The following ZNF347 variants were observed in gnomAD, a reference collection of about 807,000 sequenced individuals.
ZNF347 encodes CTD-2620I22.7.
ZNF347 carries 19 observed loss-of-function variants against 12.9 expected under a neutral mutation model. The observed-to-expected ratio is 1.47, with a 90% CI of 1.03 to 2.16. ZNF347 has a LOEUF of 2.16. ZNF347 is among the 30% of genes most tolerant of loss of function. ZNF347 has a pLI of 0.00. For synonymous variants in ZNF347, 328 were observed against 340.6 expected (o/e 0.96, Z 0.41); for missense variants, 1,005 against 990.6 (o/e 1.01, Z -0.19).
At position 53,135,752 on chromosome 19, in the gene ZNF347, T is replaced by C. The variant is rs1437459966; in HGVS notation, c.*4556A>G. 6.6e-6 allele frequency: 1 copy of C among 152,218 alleles called. No individual in the cohort carries two copies. The highest frequency in any genetic ancestry group is 2.4e-5 in the African/African-American group (1 of 41,446). The allele number at this position is 152,218 out of a possible 1,614,324, so 9.4% of individuals were successfully genotyped here. On this transcript the variant is annotated 3_prime_UTR_variant, in exon 5 of 5. Transcript: ENST00000334197. ...TATCATTAATACTTATTTCAGGAGC[T>C]GATGATTCAGTTGTTACACATAAAG... is the stretch of plus-strand genomic sequence containing the variant.
In ZNF347 at chr19:53,141,173, A is replaced by C. The variant is rs780904152; in HGVS notation, c.1655T>G (p.Val552Gly). The change falls in exon 5 of 5, where the codon GTG (valine) becomes GGG (glycine). Residue 552 changes from valine to glycine, a missense_variant. Coordinates refer to ENST00000334197, the MANE Select transcript of ZNF347 (RefSeq NM_032584.3). ...MCNECGKAFS[V>G]YSSLTTHQVI... ...CTGATGGGTAGTTAGGCTTGAATAC[A>C]CACTGAAGGCTTTGCCGCACTCATT... 6.2e-7 allele frequency: 1 copy of C among 1,607,098 alleles called. No homozygotes were observed. The highest frequency in any genetic ancestry group is 1.7e-5 in the Admixed American group (1 of 59,636).
Position 53,140,255 on chromosome 19 carries a change from G to T in ZNF347, c.*53C>A. The T allele has an allele frequency of 6.8e-7, 1 of 1,465,074 alleles. No homozygotes were observed. The highest frequency in any genetic ancestry group is 9.2e-7 in the Non-Finnish European group (1 of 1,088,130). The allele number at this position is 1,465,074 out of a possible 1,614,324, so 90.8% of individuals were successfully genotyped here. ...CATAAATTCTCTGACGTTGTCAAAG[G>T]AATGAATTCTAACTGCAAAAGTTAC... is the stretch of plus-strand genomic sequence containing the variant. On this transcript the variant is annotated 3_prime_UTR_variant, in exon 5 of 5. Transcript: ENST00000334197.
rs547491032 is a variant in ZNF347, at chr19:53,142,374, A to G, written c.454T>C (p.Tyr152His). The G allele has an allele frequency of 1.2e-6, 2 of 1,614,058 alleles. No individual in the cohort carries two copies. The highest frequency in any genetic ancestry group is 2.2e-5 in the South Asian group (2 of 91,086). The change falls in exon 5 of 5, where the codon TAC becomes CAC. Residue 152 changes from tyrosine (Y) to histidine (H), a missense_variant. Transcript: ENST00000334197. Reference sequence around the variant, plus strand: ...TCTTGGGTCAAAAGCACTCCTTTGTAATTTCCTTCAGCATCTCTGCATTGA... The same window carrying G: ...TCTTGGGTCAAAAGCACTCCTTTGTGATTTCCTTCAGCATCTCTGCATTGA... ...EYQCRDAEGN[Y>H]KGVLLTQEGN...
Position 53,153,719 on chromosome 19 carries a change from T to C in ZNF347, c.15+14A>G. ...AATAAGAGACAGAACAATCCACTGA[T>C]AATATTACCTTACCTGGGTGAGAGC... On this transcript the variant is annotated intron_variant, in intron 2 of 4. Transcript: ENST00000334197. 1.9e-6 allele frequency: 3 copies of C among 1,613,378 alleles called. No homozygotes were observed. The highest frequency in any genetic ancestry group is 1.7e-6 in the Non-Finnish European group (2 of 1,179,266).
chr19:53,158,451 C>A (rs2090549973), intron 1 of ZNF347, among the ~76,000 whole-genome samples: 1 of 148,490 alleles, frequency 6.7e-6, no homozygotes, highest in African/African-American at 2.5e-5. Flanking sequence ...AAGCCCGGGG[C>A]GGGAGGAGGG....
chr19:53,149,154 C>A, intron 3 of ZNF347, 87 bp downstream of exon 3: 1 of 1,575,630 alleles, frequency 6.3e-7, no homozygotes, highest in Non-Finnish European at 8.6e-7. Context: ...CTCAGCCAAG[C>A]AATGCATGAG....
chr19:53,135,369 A>AGGG lies in ZNF347; in HGVS notation c.*4938_*4939insCCC, dbSNP rs2090382771. 2.3e-5 allele frequency: 2 copies of AGGG among 87,940 alleles called. No homozygotes were observed. The highest frequency in any genetic ancestry group is 4.4e-5 in the Non-Finnish European group (2 of 45,402). The allele number at this position is 87,940 out of a possible 1,614,324, so 5.4% of individuals were successfully genotyped here. ...AGAGAGAGAGAGAGAGAGAGAGAGA[A>AGGG]AGAGAGAGAGAGAGAGAGAGAGAGA... On this transcript the variant is annotated 3_prime_UTR_variant, in exon 5 of 5. Coordinates refer to ENST00000334197, the MANE Select transcript of ZNF347 (RefSeq NM_032584.3).
intron 4 of ZNF347, among the ~76,000 whole-genome samples, chr19:53,144,183 C>T (rs1483417403): frequency 6.6e-6 from 1 of 152,064 alleles, no homozygotes; most frequent in Non-Finnish European, 1.5e-5. Context: ...AAGAGAGAGG[C>T]CTGCTGAATG....
intron 2 of ZNF347, 183 bp from the exon 3 acceptor site, chr19:53,149,550 G>C (rs887279696): frequency 1.6e-6 from 2 of 1,227,206 alleles, no homozygotes; most frequent in African/African-American, 3.1e-5. Context: ...AATCTCTGGA[G>C]TGATAAGTGC....
chr19:53,155,230 G>A (rs922590934), intron 1 of ZNF347, among the ~76,000 whole-genome samples: 6 of 151,866 alleles, frequency 4.0e-5, no homozygotes, highest in Admixed American at 3.9e-4. Flanking sequence ...CAGCCACCGT[G>A]CCTGGCCAAT....
Position 53,140,169 on chromosome 19 carries a change from GGAT to G in ZNF347, c.*136_*138del. 1 of 851,068 alleles carries G rather than the reference GGAT, an allele frequency of 1.2e-6. No individual in the cohort carries two copies. Among genetic ancestry groups the G allele is most frequent in the Non-Finnish European group, 1.8e-6 (1 of 558,264 alleles). The allele number at this position is 851,068 out of a possible 1,614,324, so 52.7% of individuals were successfully genotyped here. A position where few individuals can be genotyped will look rare whatever the true frequency, so the allele number is the denominator to read the frequency against. On this transcript the variant is annotated 3_prime_UTR_variant, in exon 5 of 5. Transcript: ENST00000334197. ...CCTGCCTCGGACTCCCAAAGTGTTG[GGAT>G]TACAGGCATGAGCCACTGCACCCAG...
At chr19:53,155,320 GTGTGTGTGTGTGTGTT>G (rs2146815978) in intron 1 of ZNF347, among the ~76,000 whole-genome samples, 1 of 151,006 alleles carries the variant, frequency 6.6e-6, no homozygotes, top group East Asian at 1.9e-4. Flanking sequence ...GTGTGTGTGT[GTGTGTGTGTGTGTGTT>G]TGTTTTTTGT....
chr19:53,154,285 C>G (rs2090517607), intron 1 of ZNF347, among the ~76,000 whole-genome samples: 2 of 151,872 alleles, frequency 1.3e-5, no homozygotes, highest in African/African-American at 4.8e-5. Flanking sequence ...AGTTCAAGAC[C>G]AGCCTAAACA....
In ZNF347 at chr19:53,140,979, G is replaced by C; in HGVS notation, c.1849C>G (p.Arg617Gly). The C allele has an allele frequency of 6.2e-7, 1 of 1,609,152 alleles. No individual in the cohort carries two copies. Reference sequence around the variant, plus strand: ...TAAGGTTTCTCTCCAGTATGAATTCGCTGATGCCTTGAAAGGTATGAATTA... The same window carrying C: ...TAAGGTTTCTCTCCAGTATGAATTCCCTGATGCCTTGAAAGGTATGAATTA... ...RHNSYLSRHQ[R>G]IHTGEKPYKY... The change falls in exon 5 of 5, where the codon CGA becomes GGA. Residue 617 changes from arginine to glycine, a missense_variant. Transcript: ENST00000334197.
In ZNF347 at chr19:53,139,772, C is replaced by T. The variant is rs554708269; in HGVS notation, c.*536G>A. On this transcript the variant is annotated 3_prime_UTR_variant, in exon 5 of 5. Transcript: ENST00000334197. ...TCCATCAAATACGTAGATTTTAATG[C>T]CTGCAAAGCTGTGAGGCCTGAATAA... is the stretch of plus-strand genomic sequence containing the variant. The T allele has an allele frequency of 6.5e-6, 1 of 152,976 alleles. No individual in the cohort carries two copies. Among genetic ancestry groups the T allele is most frequent in the Admixed American group, 6.5e-5 (1 of 15,398 alleles). 9.5% of individuals were successfully genotyped at this position (152,976 alleles called of 1,614,324 possible).
chr19:53,158,509 A>G (rs2090550340), intron 1 of ZNF347, among the ~76,000 whole-genome samples: 1 of 147,808 alleles, frequency 6.8e-6, no homozygotes, highest in Non-Finnish European at 1.5e-5. Flanking sequence ...GGCCGGGGAC[A>G]GGGAGAAGCC....
chr19:53,144,246 C>G (rs1040070437), intron 4 of ZNF347, among the ~76,000 whole-genome samples: 1 of 152,024 alleles, frequency 6.6e-6, no homozygotes, highest in Non-Finnish European at 1.5e-5. Context: ...CTCACTTCAC[C>G]TATAAGGATA....
At position 53,141,335 on chromosome 19, in the gene ZNF347, G is replaced by A; in HGVS notation, c.1493C>T (p.Ser498Leu). 1 of 1,613,886 alleles carries A rather than the reference G, an allele frequency of 6.2e-7. No individual in the cohort carries two copies. Among genetic ancestry groups the A allele is most frequent in the Non-Finnish European group, 8.5e-7 (1 of 1,179,998 alleles). The change falls in exon 5 of 5, where the codon TCA becomes TTA. Residue 498 changes from serine (S) to leucine (L), a missense_variant. Transcript: ENST00000334197. ...GATGACCTGATGGGTAGTTAGGTTT[G>A]AATGTGCTCTAAAGGCTTTGCCACA... ...NECGKAFRAH[S>L]NLTTHQVIHT...
At position 53,142,525 on chromosome 19, in the gene ZNF347, T is replaced by C. The variant is rs1191507271; in HGVS notation, c.303A>G (p.Leu101=). The C allele has an allele frequency of 1.9e-6, 3 of 1,597,996 alleles. No homozygotes were observed. Among genetic ancestry groups the C allele is most frequent in the Middle Eastern group, 1.7e-4 (1 of 5,980 alleles). ...CTGTATTACTCTTCCCTTTGTGTAG[T>C]AAATCTTTCATTACAAATTCGGAAG... is the stretch of plus-strand genomic sequence containing the variant. ...ALSSEFVMKD[L]LHKGKSNTGE... is the part of the protein sequence containing the mutation. Residue 101 remains leucine (L), a synonymous_variant, in exon 5 of 5, where the codon TTA becomes TTG. Transcript: ENST00000334197.
Sources: allele counts gnomAD v4.1 joint callset (sites outside exome capture counted in the v4.1 genomes callset), GRCh38; gene constraint gnomAD v4.1.1; transcripts MANE v1.5; gene names NCBI Gene and HGNC (gene_info 2026-07-23, HGNC 2026-07-21).